ARMH3: variants seen among roughly 807,000 people sequenced by gnomAD.
ARMH3 encodes armadillo-like helical domain-containing protein 3.
ARMH3 carries 60 observed loss-of-function variants against 99.1 expected under a neutral mutation model. The observed-to-expected ratio is 0.61, with a 90% CI of 0.49 to 0.75. The LOEUF is 0.75. Ranked by LOEUF, ARMH3 falls within the 30% of genes least tolerant of loss-of-function variation. The pLI, the probability that ARMH3 is intolerant of heterozygous loss-of-function variation, is 0.00. For missense variants in ARMH3, 679 were observed against 843.1 expected (o/e 0.81, Z 2.41); for synonymous variants, 285 against 292.8 (o/e 0.97, Z 0.27).
intron 8 of ARMH3, among the ~76,000 whole-genome samples, chr10:102,022,774 G>T (rs962931055): frequency 6.0e-5 from 9 of 150,540 alleles, no homozygotes; most frequent in African/African-American, 1.9e-4. Flanking sequence ...TAGAGACGGG[G>T]TTTCACCGTG....
At chr10:102,032,520 C>T (rs542669314) in intron 4 of ARMH3, among the ~76,000 whole-genome samples, 3 of 152,154 alleles carry the variant, frequency 2.0e-5, no homozygotes, top group Non-Finnish European at 4.4e-5. Context: ...CCTGCCTCAA[C>T]CTCCTGAGTA....
chr10:101,939,807 C>T, intron 23 of ARMH3, 56 bp downstream of exon 23: 2 of 1,465,590 alleles, frequency 1.4e-6, no homozygotes, highest in East Asian at 4.5e-5. Flanking sequence ...TAGAAAGGTA[C>T]AATAAACCTC....
At chr10:102,030,667 C>G (rs2067107814) in intron 4 of ARMH3, among the ~76,000 whole-genome samples, 1 of 152,122 alleles carries the variant, frequency 6.6e-6, no homozygotes, top group African/African-American at 2.4e-5. Context: ...CGAGATCGCT[C>G]CATTGCACTC....
At position 102,055,232 on chromosome 10, in the gene ARMH3, G is replaced by A. The variant is rs990463482; in HGVS notation, c.-12+853C>T. Among the ~76,000 whole-genome samples the A allele has an allele frequency of 5.9e-5, 9 of 152,116 alleles. 1 individual carries two copies. Among genetic ancestry groups the A allele is most frequent in the East Asian group, 5.8e-4 (3 of 5,176 alleles). ...GAATCGCTTGAACCCCGGAGGCAGA[G>A]GTTGTGGTAAGCCGAGATCGGGCAA... On this transcript the variant is annotated intron_variant, in intron 1 of 25. Coordinates refer to ENST00000370033, the MANE Select transcript of ARMH3 (RefSeq NM_024541.3).
At chr10:101,856,307 G>A (rs2066736188) in intron 24 of ARMH3, among the ~76,000 whole-genome samples, 1 of 152,080 alleles carries the variant, frequency 6.6e-6, no homozygotes, top group Non-Finnish European at 1.5e-5. Context: ...TCTGATTTTG[G>A]CTGCTATTTT....
intron 24 of ARMH3, among the ~76,000 whole-genome samples, chr10:101,863,607 C>T (rs1384649364): frequency 6.6e-6 from 1 of 151,996 alleles, no homozygotes; most frequent in East Asian, 1.9e-4. Context: ...TGAAAAATCT[C>T]GCAAATTGTG....
intron 23 of ARMH3, among the ~76,000 whole-genome samples, chr10:101,902,096 C>T (rs183994577): frequency 1.3e-5 from 2 of 152,136 alleles, no homozygotes; most frequent in African/African-American, 4.8e-5. Context: ...TAAATGAATA[C>T]TTATCAATTA....
chr10:102,013,676 T>G (rs1437181563), intron 9 of ARMH3, among the ~76,000 whole-genome samples: 2 of 152,228 alleles, frequency 1.3e-5, no homozygotes, highest in Non-Finnish European at 2.9e-5. Context: ...CTTGAATGTG[T>G]AATTTATTGA....
chr10:102,037,637 A>G (rs944111820), intron 2 of ARMH3, among the ~76,000 whole-genome samples: 11 of 152,030 alleles, frequency 7.2e-5, no homozygotes, highest in African/African-American at 2.7e-4. Context: ...CAATGGTGCA[A>G]TTATAGCTAG....
intron 23 of ARMH3, among the ~76,000 whole-genome samples, chr10:101,921,413 C>T (rs1243844724): frequency 6.6e-6 from 1 of 152,048 alleles, no homozygotes; most frequent in East Asian, 1.9e-4. Flanking sequence ...GGTTCTATGT[C>T]CTGATCTGGA....
intron 14 of ARMH3, among the ~76,000 whole-genome samples, chr10:102,004,623 T>A (rs186946771): frequency 6.6e-6 from 1 of 152,184 alleles, no homozygotes; most frequent in Non-Finnish European, 1.5e-5. Flanking sequence ...CAACATCACA[T>A]GGAACTCATA....
chr10:101,863,734 G>A (rs2066925222), intron 24 of ARMH3, among the ~76,000 whole-genome samples: 1 of 151,890 alleles, frequency 6.6e-6, no homozygotes, highest in African/African-American at 2.4e-5. Flanking sequence ...AGACCAGCCT[G>A]GGCAACATAG....
chr10:102,023,652 A>G, intron 7 of ARMH3, 23 bp downstream of exon 7: 2 of 1,610,980 alleles, frequency 1.2e-6, no homozygotes, highest in Non-Finnish European at 1.7e-6. Context: ...TACCCCAAAG[A>G]GAGGAGGTAA....
intron 22 of ARMH3, among the ~76,000 whole-genome samples, chr10:101,954,555 T>C (rs1052424123): frequency 2.0e-5 from 3 of 152,170 alleles, no homozygotes; most frequent in African/African-American, 7.2e-5. Flanking sequence ...TCATATGAAA[T>C]TTTTTGGATA....
chr10:101,971,277 G>A (rs890310000), intron 20 of ARMH3, among the ~76,000 whole-genome samples: 3 of 151,964 alleles, frequency 2.0e-5, no homozygotes, highest in Non-Finnish European at 2.9e-5. Flanking sequence ...AGTGTGACTA[G>A]TAAATAAAGA....
intron 14 of ARMH3, among the ~76,000 whole-genome samples, chr10:102,005,071 G>A (rs1219249554): frequency 6.6e-6 from 1 of 152,120 alleles, no homozygotes; most frequent in South Asian, 2.1e-4. Context: ...GGGCATGGTG[G>A]CACACACCTG....
At chr10:101,969,046 G>A (rs1845657677) in intron 20 of ARMH3, among the ~76,000 whole-genome samples, 1 of 152,182 alleles carries the variant, frequency 6.6e-6, no homozygotes, top group Non-Finnish European at 1.5e-5. Context: ...CTAAATCAGA[G>A]AAAATTTAGC....
intron 20 of ARMH3, among the ~76,000 whole-genome samples, chr10:101,972,472 G>C (rs975396155): frequency 6.6e-6 from 1 of 152,190 alleles, no homozygotes; most frequent in Admixed American, 6.5e-5. Flanking sequence ...TATTTGCCAT[G>C]ATGAGTTTCA....
intron 23 of ARMH3, among the ~76,000 whole-genome samples, chr10:101,918,499 T>C (rs934440315): frequency 2.0e-5 from 3 of 152,320 alleles, no homozygotes; most frequent in African/African-American, 7.2e-5. Flanking sequence ...CATCAGCCTG[T>C]AAGCAAGTTT....
Sources: gnomAD v4.1 joint callset for allele counts (sites outside exome capture counted in the v4.1 genomes callset) on GRCh38, gnomAD v4.1.1 for gene constraint, MANE v1.5 for transcripts, NCBI Gene and HGNC (gene_info 2026-07-23, HGNC 2026-07-21) for gene names.